PRTFDC1: variants seen among roughly 807,000 people sequenced by gnomAD.
PRTFDC1 encodes the protein phosphoribosyl transferase domain containing 1, also known as phosphoribosyltransferase domain-containing protein 1.
PRTFDC1 carries 38 observed loss-of-function variants against 34.6 expected under a neutral mutation model. The observed-to-expected ratio is 1.10, with a 90% CI of 0.85 to 1.44. The LOEUF is 1.44. Among genes scored for constraint, PRTFDC1 ranks in the 40% most tolerant of loss-of-function variants. PRTFDC1 has a pLI of 0.00. For synonymous variants in PRTFDC1, 93 were observed against 98.1 expected, an observed-to-expected ratio of 0.95 and a Z score of 0.31; for missense variants, 270 against 283.0, an observed-to-expected ratio of 0.95 and a Z score of 0.33.
At chr10:24,879,429 C>T (rs572427994) in intron 3 of PRTFDC1, among the ~76,000 whole-genome samples, 10 of 152,096 alleles carry the variant, frequency 6.6e-5, no homozygotes, top group South Asian at 4.2e-4. Context: ...CTGCAACCTC[C>T]GCCTCCCGGG....
intron 3 of PRTFDC1, among the ~76,000 whole-genome samples, chr10:24,917,102 A>G (rs1396814409): frequency 1.3e-5 from 2 of 152,230 alleles, no homozygotes; most frequent in Admixed American, 6.5e-5. Flanking sequence ...GGAGATTGCC[A>G]TAGTTCCAGG....
intron 3 of PRTFDC1, among the ~76,000 whole-genome samples, chr10:24,888,615 G>A (rs1848209728): frequency 6.6e-6 from 1 of 152,160 alleles, no homozygotes; most frequent in Non-Finnish European, 1.5e-5. Flanking sequence ...ATGAGTAGCT[G>A]TCATTCATGT....
intron 3 of PRTFDC1, among the ~76,000 whole-genome samples, chr10:24,883,907 C>T (rs1255816634): frequency 6.8e-6 from 1 of 146,274 alleles, no homozygotes; most frequent in African/African-American, 2.5e-5. Flanking sequence ...TCACTGCAAC[C>T]TTTGTCATCT....
chr10:24,944,555 G>GGAAGACCTCTTGAGGCGA (rs1849224006), intron 1 of PRTFDC1, among the ~76,000 whole-genome samples: 1 of 152,150 alleles, frequency 6.6e-6, no homozygotes, highest in Non-Finnish European at 1.5e-5. Context: ...GGCTGAGGCG[G>GGAAGACCTCTTGAGGCGA]GAAGACCTCT....
chr10:24,949,648 C>G (rs1849305055), intron 1 of PRTFDC1, among the ~76,000 whole-genome samples: 1 of 152,106 alleles, frequency 6.6e-6, no homozygotes, highest in African/African-American at 2.4e-5. Context: ...TTATTTCCCA[C>G]CTTTGTGGGC....
chr10:24,861,804 A>C (rs749178562), intron 4 of PRTFDC1, among the ~76,000 whole-genome samples: 7 of 151,862 alleles, frequency 4.6e-5, no homozygotes, highest in Non-Finnish European at 7.4e-5. Flanking sequence ...CGTATTTTTA[A>C]ATTTTATTTT....
intron 1 of PRTFDC1, among the ~76,000 whole-genome samples, chr10:24,945,169 T>C (rs565297777): frequency 3.3e-5 from 5 of 152,188 alleles, no homozygotes; most frequent in Non-Finnish European, 7.4e-5. Context: ...TGTGTGTGCA[T>C]GGGTGTGTTC....
At chr10:24,881,031 A>C (rs575512849) in intron 3 of PRTFDC1, among the ~76,000 whole-genome samples, 51 of 80,336 alleles carry the variant, frequency 6.3e-4, no homozygotes, top group East Asian at 9.1e-4. Context: ...CTCTCTCTCT[A>C]TCTCTTTCTT....
chr10:24,942,132 G>T (rs926165526), intron 2 of PRTFDC1, among the ~76,000 whole-genome samples, 198 bp downstream of exon 2: 1 of 152,162 alleles, frequency 6.6e-6, no homozygotes, highest in Non-Finnish European at 1.5e-5. Context: ...TTACCATACC[G>T]CCTGAACAAA....
At chr10:24,925,174 A>G (rs1156331295) in intron 3 of PRTFDC1, among the ~76,000 whole-genome samples, 1 of 152,214 alleles carries the variant, frequency 6.6e-6, no homozygotes, top group African/African-American at 2.4e-5. Flanking sequence ...TTGCAGGGAC[A>G]TGGATGAGGC....
intron 3 of PRTFDC1, among the ~76,000 whole-genome samples, chr10:24,892,541 G>A (rs905968268): frequency 4.6e-5 from 7 of 151,684 alleles, no homozygotes; most frequent in Non-Finnish European, 8.8e-5. Context: ...ATTCGTATAC[G>A]AGTGACATTC....
intron 3 of PRTFDC1, among the ~76,000 whole-genome samples, chr10:24,902,402 T>TGA (rs1362853519): frequency 6.6e-6 from 1 of 152,192 alleles, no homozygotes. Flanking sequence ...TTGATCATCT[T>TGA]GAAAAGGTGC....
chr10:24,934,247 GGAGAAGA>G (rs754849348), intron 3 of PRTFDC1, among the ~76,000 whole-genome samples: 22,953 of 105,016 alleles, frequency 0.22, 1,820 homozygotes, highest in Non-Finnish European at 0.25. Flanking sequence ...AGAAGAAGAA[GGAGAAGA>G]AGAAGAAGAA....
intron 3 of PRTFDC1, among the ~76,000 whole-genome samples, chr10:24,920,842 T>C (rs1848777609): frequency 6.6e-6 from 1 of 152,132 alleles, no homozygotes; most frequent in Non-Finnish European, 1.5e-5. Context: ...AATTTATCCA[T>C]TAAAAGAAAC....
At chr10:24,916,432 A>C (rs979477563) in intron 3 of PRTFDC1, among the ~76,000 whole-genome samples, 1 of 152,216 alleles carries the variant, frequency 6.6e-6, no homozygotes, top group Admixed American at 6.5e-5. Context: ...GGCTAACTCC[A>C]TACAGTGGCC....
At chr10:24,943,214 C>T (rs1246924324) in intron 1 of PRTFDC1, among the ~76,000 whole-genome samples, 2 of 152,000 alleles carry the variant, frequency 1.3e-5, no homozygotes, top group East Asian at 1.9e-4. Flanking sequence ...AAGTACGTAT[C>T]TCCTGGGATC....
At chr10:24,910,624 A>T (rs1848611449) in intron 3 of PRTFDC1, among the ~76,000 whole-genome samples, 1 of 152,218 alleles carries the variant, frequency 6.6e-6, no homozygotes, top group Admixed American at 6.5e-5. Flanking sequence ...AATAAAACCC[A>T]GCATACAAAA....
At chr10:24,876,681 G>A (rs1025777053) in intron 3 of PRTFDC1, among the ~76,000 whole-genome samples, 3 of 151,550 alleles carry the variant, frequency 2.0e-5, no homozygotes, top group South Asian at 2.1e-4. Context: ...GTGACAGAGC[G>A]AGACTCCATC....
At chr10:24,922,719 A>G (rs897876231) in intron 3 of PRTFDC1, among the ~76,000 whole-genome samples, 2 of 152,228 alleles carry the variant, frequency 1.3e-5, no homozygotes, top group African/African-American at 4.8e-5. Context: ...TGCAGCTCCC[A>G]GCATGATTGA....
Sources: gnomAD v4.1 joint callset for allele counts (sites outside exome capture counted in the v4.1 genomes callset) on GRCh38, gnomAD v4.1.1 for gene constraint, MANE v1.5 for transcripts, NCBI Gene and HGNC (gene_info 2026-07-23, HGNC 2026-07-21) for gene names.